Variants in RBM45 observed in about 807,000 individuals in gnomAD.
RBM45 encodes RNA-binding protein 45.
Under a neutral mutation model 58.5 loss-of-function variants are expected in RBM45, and 39 were observed. The ratio of observed to expected loss-of-function variants is 0.67; its 90% confidence interval spans 0.52 to 0.87. RBM45 has a LOEUF of 0.87. Ranked by LOEUF, RBM45 falls within the 40% of genes least tolerant of loss-of-function variation. The probability of loss-of-function intolerance (pLI) is 0.00; values close to 1 mark genes in which losing one functional copy is unlikely to be tolerated. For missense variants in RBM45, 481 were observed against 581.6 expected, an observed-to-expected ratio of 0.83 and a Z score of 1.78; for synonymous variants, 193 against 203.0, an observed-to-expected ratio of 0.95 and a Z score of 0.42.
At chr2:178,135,345 T>G (rs987581789) in intron 3 of RBM45, among the ~76,000 whole-genome samples, 1 of 152,196 alleles carries the variant, frequency 6.6e-6, no homozygotes, top group African/African-American at 2.4e-5. Context: ...CTTTGGTTTA[T>G]CATCACCAAC....
At chr2:178,114,789 G>T (rs946977071) in intron 1 of RBM45, among the ~76,000 whole-genome samples, 1 of 152,002 alleles carries the variant, frequency 6.6e-6, no homozygotes, top group Non-Finnish European at 1.5e-5. Context: ...TAGAGACAGG[G>T]TCTCACTATG....
At chr2:178,121,082 T>C in intron 4 of RBM45, 98 bp from the exon 5 acceptor site, 1 of 582,936 alleles carries the variant, frequency 1.7e-6, no homozygotes, top group Non-Finnish European at 3.0e-6. Flanking sequence ...AGTGCCTTTA[T>C]TCAGTACAAT....
chr2:178,112,865 G>A lies in RBM45; in HGVS notation c.300+19G>A. 1 of 1,596,400 alleles carries A rather than the reference G, an allele frequency of 6.3e-7. No homozygotes were observed. The highest frequency in any genetic ancestry group is 1.1e-5 in the South Asian group (1 of 90,292). On this transcript the variant is annotated intron_variant, in intron 1 of 9. Coordinates refer to ENST00000286070, the MANE Select transcript of RBM45 (RefSeq NM_152945.4). ...CATCAAGGTGCGGGTGCCCGGGTCG[G>A]GGTGCCCTCGGGGGAAGGAGTGGGC...
intron 6 of RBM45, 40 bp downstream of exon 6, chr2:178,123,691 G>A (rs750345538): frequency 6.3e-7 from 1 of 1,587,058 alleles, no homozygotes; most frequent in Non-Finnish European, 8.6e-7. Context: ...CGAGCTTTGA[G>A]TGTACATGAT....
At chr2:178,118,277 C>A in intron 3 of RBM45, 96 bp downstream of exon 3, 1 of 1,190,126 alleles carries the variant, frequency 8.4e-7, no homozygotes, top group Non-Finnish European at 1.1e-6. Context: ...ATAACTGTAT[C>A]TGCTAATGTA....
Position 178,121,176 on chromosome 2 carries a change from G to A in RBM45, c.674-4G>A, listed in dbSNP as rs561128500. The A allele has an allele frequency of 6.9e-6, 10 of 1,451,926 alleles. No individual in the cohort carries two copies. The highest frequency in any genetic ancestry group is 2.5e-5 in the South Asian group (2 of 79,802). The allele number at this position is 1,451,926 out of a possible 1,614,324, so 89.9% of individuals were successfully genotyped here. ...AAGATTTACTTTTTTTTATATTGTC[G>A]GAGAACAACAATCTGAATTTTCAAG... On this transcript the variant is annotated splice_polypyrimidine_tract_variant and splice_region_variant and intron_variant, in intron 4 of 9. Coordinates refer to ENST00000286070, the MANE Select transcript of RBM45 (RefSeq NM_152945.4).
At chr2:178,130,881 C>T (rs1242681524), downstream of RBM45, among the ~76,000 whole-genome samples, 1 of 152,146 alleles carries the variant, frequency 6.6e-6, no homozygotes, top group Non-Finnish European at 1.5e-5. Context: ...TTTAGTTGTG[C>T]CTTCACAGGC....
chr2:178,133,417 A>C (rs1218446003), downstream of RBM45, among the ~76,000 whole-genome samples: 1 of 152,222 alleles, frequency 6.6e-6, no homozygotes, highest in African/African-American at 2.4e-5. Flanking sequence ...GTTTTAAATG[A>C]CAAAGGAGTA....
intron 2 of RBM45, among the ~76,000 whole-genome samples, chr2:178,117,552 G>C (rs991612150): frequency 6.6e-6 from 1 of 152,154 alleles, no homozygotes; most frequent in African/African-American, 2.4e-5. Context: ...GTTCCTGTTA[G>C]AAGACAGACA....
At position 178,118,020 on chromosome 2, in the gene RBM45, A is replaced by C. The variant is rs199566438; in HGVS notation, c.424-35A>C. ...TGAAATACTCTGTTCAATTAATTTT[A>C]AGTCCCCTAAAATCATGTCTTTTAA... is the stretch of plus-strand genomic sequence containing the variant. On this transcript the variant is annotated intron_variant, in intron 2 of 9. Transcript: ENST00000286070. 2.5e-5 allele frequency: 38 copies of C among 1,499,684 alleles called. No individual in the cohort carries two copies. In the East Asian group the frequency reaches 3.7e-4, roughly 14 times the overall value. The allele number at this position is 1,499,684 out of a possible 1,614,324, so 92.9% of individuals were successfully genotyped here.
chr2:178,112,844 A>G lies in RBM45; in HGVS notation c.298A>G (p.Lys100Glu), dbSNP rs2087722627. The G allele has an allele frequency of 8.7e-6, 14 of 1,601,232 alleles. No individual in the cohort carries two copies. The highest frequency in any genetic ancestry group is 1.0e-5 in the Non-Finnish European group (12 of 1,169,680). ...CLGPNDTKPI[K>E]VFIAQSRSSG... ...CGGCCCCAACGACACCAAGCCCATCAAGGTGCGGGTGCCCGGGTCGGGGTG... is the reference window on the plus strand; with the variant it reads ...CGGCCCCAACGACACCAAGCCCATCGAGGTGCGGGTGCCCGGGTCGGGGTG... Residue 100 changes from lysine (K) to glutamate (E), a missense_variant and splice_region_variant, in exon 1 of 10, where the codon AAG becomes GAG. Physicochemically the swap from Lys to Glu is moderately conservative, Grantham distance 56. Transcript: ENST00000286070.
downstream of RBM45, among the ~76,000 whole-genome samples, chr2:178,133,573 A>G (rs547718350): frequency 6.6e-6 from 1 of 152,194 alleles, no homozygotes; most frequent in Non-Finnish European, 1.5e-5. Context: ...GTACCCAAAA[A>G]CCTTTTGATT....
At chr2:178,121,400 A>ATT in intron 5 of RBM45, 41 bp downstream of exon 5, 1 of 557,992 alleles carries the variant, frequency 1.8e-6, no homozygotes. Flanking sequence ...ATATATGTAT[A>ATT]TATACACACA....
exon 4 of RBM45, chr2:178,138,671 A>G (rs566688023): frequency 5.3e-5 from 8 of 152,320 alleles, no homozygotes; most frequent in Admixed American, 3.3e-4. Flanking sequence ...GAATAAAAGA[A>G]GAAGGAAAGA....
chr2:178,137,278 T>G (rs1342241163), exon 4 of RBM45: 1 of 152,190 alleles, frequency 6.6e-6, no homozygotes, highest in East Asian at 1.9e-4. Context: ...CAACAAGAAC[T>G]GCTGATGCAA....
At chr2:178,120,968 C>A (rs1466096512) in intron 4 of RBM45, 1 of 375,168 alleles carries the variant, frequency 2.7e-6, no homozygotes, top group Non-Finnish European at 4.7e-6. Context: ...CTATGCATTT[C>A]TTCTTATATT....
In RBM45 at chr2:178,124,145, G is replaced by A; in HGVS notation, c.1087G>A (p.Gly363Arg). Residue 363 changes from glycine to arginine, a missense_variant, in exon 8 of 10, where the codon GGA becomes AGA. Transcript: ENST00000286070. ...TTAACAGCAATTTGGAGGAAGCTCT[G>A]GATCACAGTTGCCTCAAATCCAGAC... ...QQFMQFGGSS[G>R]SQLPQIQTDV... is the part of the protein sequence containing the mutation. The A allele has an allele frequency of 1.3e-6, 2 of 1,591,902 alleles. No individual in the cohort carries two copies. The highest frequency in any genetic ancestry group is 1.7e-6 in the Non-Finnish European group (2 of 1,174,006).
At chr2:178,127,646 G>A (rs942225495) in intron 9 of RBM45, among the ~76,000 whole-genome samples, 2 of 152,082 alleles carry the variant, frequency 1.3e-5, no homozygotes, top group African/African-American at 4.8e-5. Flanking sequence ...TTTAACCCTG[G>A]ATATATTAAA....
downstream of RBM45, among the ~76,000 whole-genome samples, chr2:178,129,983 T>A (rs905399888): frequency 2.0e-5 from 3 of 152,208 alleles, no homozygotes; most frequent in Non-Finnish European, 2.9e-5. Context: ...TGGAAATATT[T>A]TGTACTGTAT....
Sources: allele counts gnomAD v4.1 joint callset (sites outside exome capture counted in the v4.1 genomes callset), GRCh38; gene constraint gnomAD v4.1.1; transcripts MANE v1.5; gene names NCBI Gene and HGNC (gene_info 2026-07-23, HGNC 2026-07-21).